RBFOX3: variants seen among roughly 807,000 people sequenced by gnomAD.
RBFOX3 encodes the protein RNA binding protein fox-1 homolog 3.
A neutral mutation model predicts 48.7 loss-of-function variants in RBFOX3; 17 were observed. The observed-to-expected ratio is 0.35, with a 90% confidence interval of 0.24 to 0.52. The LOEUF (loss-of-function observed/expected upper bound fraction) is 0.52, where lower values mean the gene tolerates loss of function less well. Among genes scored for constraint, RBFOX3 ranks in the 20% least tolerant of loss-of-function variants. The pLI, the probability that RBFOX3 is intolerant of heterozygous loss-of-function variation, is 0.94. For synonymous variants in RBFOX3, 212 were observed against 209.5 expected, an observed-to-expected ratio of 1.01 and a Z score of -0.10; for missense variants, 382 against 497.5, an observed-to-expected ratio of 0.77 and a Z score of 2.21.
intron 4 of RBFOX3, among the ~76,000 whole-genome samples, chr17:79,158,171 A>C (rs573400535): frequency 6.6e-6 from 1 of 152,334 alleles, no homozygotes; most frequent in East Asian, 1.9e-4. Context: ...ACAGCCATCC[A>C]CAGCCAAGGA....
chr17:79,343,439 T>C (rs931739319), intron 2 of RBFOX3, among the ~76,000 whole-genome samples: 38 of 152,094 alleles, frequency 2.5e-4, no homozygotes, highest in African/African-American at 8.4e-4. Context: ...ATTGCTTGAA[T>C]TTGGGAGATC....
chr17:79,600,360 A>G (rs1431222680), intron 1 of RBFOX3: 1 of 151,476 alleles, frequency 6.6e-6, no homozygotes, highest in Non-Finnish European at 1.5e-5. Flanking sequence ...AGGCACATGC[A>G]TGTACAATCT....
In RBFOX3 at chr17:79,582,740, G is replaced by A. The variant is rs1028907237; in HGVS notation, c.-320+28086C>T. 1.8e-3 allele frequency among the ~76,000 whole-genome samples: 224 copies of A among 121,704 alleles called. 4 individuals carry two copies. The highest frequency in any genetic ancestry group is 1.7e-3 in the Non-Finnish European group (110 of 63,238). The allele number at this position is 121,704 out of a possible 152,430, so 79.8% of individuals were successfully genotyped here. On this transcript the variant is annotated intron_variant, in intron 1 of 14. Transcript: ENST00000693108. ...TGAGGCTACAGTGAGCCATGATCGC[G>A]CCACTGCACTCCAGCCTGGGAGACA...
chr17:79,647,872 C>A, the RBFOX3 span, among the ~76,000 whole-genome samples: 1 of 152,142 alleles, frequency 6.6e-6, no homozygotes, highest in Non-Finnish European at 1.5e-5. Context: ...GACACAGAGC[C>A]CACCTGGGGG....
At chr17:79,450,866 C>T (rs1425233379) in intron 2 of RBFOX3, among the ~76,000 whole-genome samples, 2 of 152,052 alleles carry the variant, frequency 1.3e-5, no homozygotes. Flanking sequence ...AGATATATGC[C>T]AAGAGGAGAG....
chr17:79,467,126 T>C (rs2149337104), intron 2 of RBFOX3, among the ~76,000 whole-genome samples: 1 of 151,396 alleles, frequency 6.6e-6, no homozygotes, highest in South Asian at 2.1e-4. Flanking sequence ...TGCGGTGGCA[T>C]CACCTGCCAG....
At chr17:79,521,780 T>C (rs2086144750) in intron 1 of RBFOX3, among the ~76,000 whole-genome samples, 1 of 152,092 alleles carries the variant, frequency 6.6e-6, no homozygotes, top group Non-Finnish European at 1.5e-5. Flanking sequence ...CACAGACAAG[T>C]GTGGACACAC....
At chr17:79,379,308 T>C (rs2059603005) in intron 2 of RBFOX3, among the ~76,000 whole-genome samples, 1 of 152,122 alleles carries the variant, frequency 6.6e-6, no homozygotes, top group Non-Finnish European at 1.5e-5. Context: ...TTGCCTGCCC[T>C]GGGGACTCAG....
intron 1 of RBFOX3, among the ~76,000 whole-genome samples, chr17:79,500,294 G>A (rs1191947199): frequency 2.0e-5 from 2 of 98,210 alleles, no homozygotes; most frequent in Non-Finnish European, 3.8e-5. Context: ...TTTCACTCTT[G>A]TTGCCCAGGC....
chr17:79,209,335 C>T (rs2058029220), intron 4 of RBFOX3, among the ~76,000 whole-genome samples: 1 of 152,250 alleles, frequency 6.6e-6, no homozygotes, highest in East Asian at 1.9e-4. Context: ...TAATGCACAG[C>T]TCCGGGACCT....
At chr17:79,547,064 T>C (rs1183770526) in intron 1 of RBFOX3, among the ~76,000 whole-genome samples, 1 of 152,154 alleles carries the variant, frequency 6.6e-6, no homozygotes, top group Non-Finnish European at 1.5e-5. Context: ...CATCCAGGGC[T>C]GGACAAGGAG....
At chr17:79,618,519 T>C in the RBFOX3 span, among the ~76,000 whole-genome samples, 1 of 152,170 alleles carries the variant, frequency 6.6e-6, no homozygotes, top group African/African-American at 2.4e-5. Context: ...GTGCTCAGCT[T>C]GTTCTGCAGA....
At chr17:79,416,511 G>A (rs932263842) in intron 2 of RBFOX3, among the ~76,000 whole-genome samples, 23 of 152,240 alleles carry the variant, frequency 1.5e-4, no homozygotes, top group South Asian at 2.1e-4. Flanking sequence ...CAGCGACGTG[G>A]CCCAGCACTT....
At chr17:79,453,378 C>T (rs1555742838) in intron 2 of RBFOX3, among the ~76,000 whole-genome samples, 1 of 152,216 alleles carries the variant, frequency 6.6e-6, no homozygotes, top group Non-Finnish European at 1.5e-5. Flanking sequence ...AGTGGGGCCC[C>T]TCTCTTCCTC....
At position 79,199,341 on chromosome 17, in the gene RBFOX3, C is replaced by T. The variant is rs2056351215; in HGVS notation, c.-34+36425G>A. 6.6e-6 allele frequency among the ~76,000 whole-genome samples: 1 copy of T among 152,202 alleles called. No homozygotes were observed. The highest frequency in any genetic ancestry group is 2.4e-5 in the African/African-American group (1 of 41,446). The stretch of plus-strand genomic sequence containing the variant: ...TCTCATTCATCCTGCCCTTCTTCTT[C>T]CAGCAGGTGGGAGGGTCAGACTCAG... On this transcript the variant is annotated intron_variant, in intron 4 of 14. Transcript: ENST00000693108. This position sits in a 1 kb window ranked among gnomAD's most constrained non-coding sequence, Gnocchi z 5.1.
chr17:79,159,484 G>A (rs1250579605), intron 4 of RBFOX3, among the ~76,000 whole-genome samples: 1 of 152,124 alleles, frequency 6.6e-6, no homozygotes, highest in Non-Finnish European at 1.5e-5. Flanking sequence ...GACTCCACAC[G>A]CATCTGTGGC....
chr17:79,114,119 G>A (rs894695222), intron 5 of RBFOX3, among the ~76,000 whole-genome samples: 2 of 152,194 alleles, frequency 1.3e-5, no homozygotes, highest in Admixed American at 6.5e-5. Flanking sequence ...GTCTACTGGA[G>A]TCAGTCAGAA....
chr17:79,353,421 C>T (rs2084339760), intron 2 of RBFOX3, among the ~76,000 whole-genome samples: 1 of 152,160 alleles, frequency 6.6e-6, no homozygotes, highest in African/African-American at 2.4e-5. Context: ...TCACTAGGTG[C>T]CCAACCTGGG....
At position 79,322,945 on chromosome 17, in the gene RBFOX3, G is replaced by A. The variant is rs1205450926; in HGVS notation, c.-174-15121C>T. On this transcript the variant is annotated intron_variant, in intron 2 of 14. Coordinates refer to ENST00000693108, the MANE Select transcript of RBFOX3 (RefSeq NM_001350451.2). ...GCGTATTGGATTGCTGGCACTGCATGTGGCCAGCTGGCCCTGAGCTCACTT... is the reference window on the plus strand; with the variant it reads ...GCGTATTGGATTGCTGGCACTGCATATGGCCAGCTGGCCCTGAGCTCACTT... Among the ~76,000 whole-genome samples the A allele has an allele frequency of 5.9e-5, 9 of 152,230 alleles. 2 individuals are homozygous for A. The highest frequency in any genetic ancestry group is 5.9e-4 in the Admixed American group (9 of 15,288).
Sources: allele counts gnomAD v4.1 joint callset (sites outside exome capture counted in the v4.1 genomes callset), GRCh38; gene constraint gnomAD v4.1.1; non-coding constraint Gnocchi (gnomAD v3.1); transcripts MANE v1.5; gene names NCBI Gene and HGNC (gene_info 2026-07-23, HGNC 2026-07-21).